Variants in AFG2A observed in about 807,000 individuals in gnomAD.
AFG2A encodes the protein ATPase family gene 2 protein homolog A.
chr4:122,989,869 A>AT, the AFG2A span, among the ~76,000 whole-genome samples: 1 of 151,946 alleles, frequency 6.6e-6, no homozygotes, highest in Non-Finnish European at 1.5e-5. Context: ...TTTATTTATT[A>AT]TTTTTTGAGA....
the AFG2A span, among the ~76,000 whole-genome samples, chr4:123,143,983 T>C: frequency 6.6e-6 from 1 of 152,074 alleles, no homozygotes; most frequent in Non-Finnish European, 1.5e-5. Context: ...TGCTATATAA[T>C]GTTTTCATCT....
chr4:123,228,378 T>C, the AFG2A span, among the ~76,000 whole-genome samples: 1 of 152,068 alleles, frequency 6.6e-6, no homozygotes, highest in East Asian at 1.9e-4. Flanking sequence ...TTTCCATGTT[T>C]AGTCCCAGCA....
At chr4:123,023,345 T>A in the AFG2A span, among the ~76,000 whole-genome samples, 1 of 152,048 alleles carries the variant, frequency 6.6e-6, no homozygotes, top group Non-Finnish European at 1.5e-5. Context: ...ACTGCATATG[T>A]ACTCCTTGAA....
At chr4:123,106,244 A>C in the AFG2A span, among the ~76,000 whole-genome samples, 5 of 152,112 alleles carry the variant, frequency 3.3e-5, no homozygotes, top group African/African-American at 4.8e-5. Flanking sequence ...AGGTATATAT[A>C]TTTTTCCCCC....
At chr4:123,006,657 A>C in the AFG2A span, among the ~76,000 whole-genome samples, 33 of 151,926 alleles carry the variant, frequency 2.2e-4, no homozygotes, top group Non-Finnish European at 4.7e-4. Context: ...AGTGCCTTTT[A>C]ATATTGTGGA....
chr4:123,284,609 G>A, the AFG2A span, among the ~76,000 whole-genome samples: 1 of 152,310 alleles, frequency 6.6e-6, no homozygotes, highest in East Asian at 1.9e-4. Context: ...CAATGGAGAA[G>A]TTCCGAAGTT....
the AFG2A span, among the ~76,000 whole-genome samples, chr4:123,221,996 T>C: frequency 6.6e-6 from 1 of 152,140 alleles, no homozygotes; most frequent in East Asian, 1.9e-4. Flanking sequence ...TGATCTAAAG[T>C]GCTATGTTTT....
the AFG2A span, among the ~76,000 whole-genome samples, chr4:122,925,901 G>A: frequency 1.3e-5 from 2 of 152,222 alleles, no homozygotes; most frequent in Non-Finnish European, 2.9e-5. Flanking sequence ...ATGAATAAAT[G>A]AAGGGTGGAT....
the AFG2A span, among the ~76,000 whole-genome samples, chr4:123,027,328 C>T: frequency 2.6e-5 from 4 of 152,126 alleles, no homozygotes; most frequent in African/African-American, 4.8e-5. Context: ...ATTTCCCTCC[C>T]TCAAATATTT....
At chr4:123,021,474 C>T in the AFG2A span, among the ~76,000 whole-genome samples, 81 of 152,140 alleles carry the variant, frequency 5.3e-4, 2 homozygotes, top group East Asian at 7.9e-3. Context: ...CTTCTTAAAC[C>T]CCACTACTCC....
chr4:122,950,446 TCTC>T, the AFG2A span, among the ~76,000 whole-genome samples: 1 of 152,042 alleles, frequency 6.6e-6, no homozygotes, highest in Non-Finnish European at 1.5e-5. Context: ...TTCAAGCAAT[TCTC>T]CTGCCTCAGC....
chr4:122,940,080 C>T, the AFG2A span, among the ~76,000 whole-genome samples: 21 of 152,064 alleles, frequency 1.4e-4, no homozygotes, highest in Admixed American at 2.6e-4. Flanking sequence ...TGAATAGTGC[C>T]GCAATAAACA....
chr4:123,249,559 A>T, the AFG2A span, among the ~76,000 whole-genome samples: 1 of 152,206 alleles, frequency 6.6e-6, no homozygotes, highest in Non-Finnish European at 1.5e-5. Flanking sequence ...AGAAGGAAAG[A>T]ATAAGACTGC....
chr4:123,050,811 C>G, the AFG2A span, among the ~76,000 whole-genome samples: 1 of 151,348 alleles, frequency 6.6e-6, no homozygotes, highest in Admixed American at 6.6e-5. Context: ...GTGGCACTCT[C>G]TCGGCTCACT....
At chr4:123,166,764 G>T in the AFG2A span, among the ~76,000 whole-genome samples, 1 of 152,140 alleles carries the variant, frequency 6.6e-6, no homozygotes, top group South Asian at 2.1e-4. Context: ...TCTATCAACT[G>T]TAACTATGTC....
At chr4:123,251,948 G>A in the AFG2A span, among the ~76,000 whole-genome samples, 2 of 151,946 alleles carry the variant, frequency 1.3e-5, no homozygotes, top group Admixed American at 6.6e-5. Flanking sequence ...CCTCTTCTAG[G>A]TATTATAACA....
chr4:123,023,424 A>G, the AFG2A span, among the ~76,000 whole-genome samples: 1 of 152,166 alleles, frequency 6.6e-6, no homozygotes, highest in African/African-American at 2.4e-5. Flanking sequence ...TTTGTTTATT[A>G]TGATTGGAGA....
the AFG2A span, among the ~76,000 whole-genome samples, chr4:123,128,423 G>A: frequency 6.6e-6 from 1 of 152,098 alleles, no homozygotes; most frequent in Non-Finnish European, 1.5e-5. Context: ...TGATACTTGA[G>A]TCAGGCTTTT....
chr4:122,966,311 C>T, the AFG2A span, among the ~76,000 whole-genome samples: 3 of 152,172 alleles, frequency 2.0e-5, no homozygotes, highest in Non-Finnish European at 1.5e-5. Flanking sequence ...GTTCTTTTCT[C>T]CTTTCTAACA....
Sources: allele counts gnomAD v4.1 joint callset (sites outside exome capture counted in the v4.1 genomes callset), GRCh38; gene constraint gnomAD v4.1.1; transcripts MANE v1.5; gene names NCBI Gene and HGNC (gene_info 2026-07-23, HGNC 2026-07-21).